Variants in TRAPPC9 observed in about 807,000 individuals in gnomAD.
TRAPPC9 encodes the protein trafficking protein particle complex subunit 9.
In TRAPPC9, 83 loss-of-function variants were observed where a neutral mutation model predicts 124.0. That is an observed-to-expected ratio of 0.67 (90% CI 0.56 to 0.80). The LOEUF is 0.80. Among genes scored for constraint, TRAPPC9 ranks in the 30% least tolerant of loss-of-function variants. The probability of loss-of-function intolerance (pLI) is 0.00; values close to 1 mark genes in which losing one functional copy is unlikely to be tolerated. For synonymous variants in TRAPPC9, 638 were observed against 617.5 expected, an observed-to-expected ratio of 1.03 and a Z score of -0.49; for missense variants, 1,302 against 1,508.3, an observed-to-expected ratio of 0.86 and a Z score of 2.27.
chr8:140,398,436 A>G (rs2069157816), intron 6 of TRAPPC9, among the ~76,000 whole-genome samples: 1 of 152,206 alleles, frequency 6.6e-6, no homozygotes, highest in Non-Finnish European at 1.5e-5. Flanking sequence ...GCTGATAATG[A>G]TATGGACAAT....
At chr8:140,370,828 C>T in intron 8 of TRAPPC9, 136 bp downstream of exon 8, 1 of 952,512 alleles carries the variant, frequency 1.0e-6, no homozygotes, top group Admixed American at 1.9e-5. Flanking sequence ...AGGCACCCAA[C>T]TCCAGGGCAG....
intron 16 of TRAPPC9, among the ~76,000 whole-genome samples, chr8:140,238,720 T>C (rs1033889628): frequency 6.6e-6 from 1 of 152,108 alleles, no homozygotes; most frequent in Admixed American, 6.5e-5. Context: ...AGCTCGAAGA[T>C]GTAGAGAGCT....
intron 17 of TRAPPC9, among the ~76,000 whole-genome samples, chr8:140,064,053 A>G (rs572696415): frequency 4.6e-5 from 7 of 151,854 alleles, no homozygotes; most frequent in Admixed American, 1.3e-4. Context: ...GTAGCCATTT[A>G]TCTAGTGTGG....
intron 15 of TRAPPC9, among the ~76,000 whole-genome samples, chr8:140,272,792 T>C (rs2064997554): frequency 6.6e-6 from 1 of 151,386 alleles, no homozygotes; most frequent in African/African-American, 2.4e-5. Context: ...ACTAACAGAG[T>C]GAAAACTCAT....
At chr8:140,078,725 T>C (rs576391508) in intron 17 of TRAPPC9, among the ~76,000 whole-genome samples, 3 of 152,250 alleles carry the variant, frequency 2.0e-5, no homozygotes, top group African/African-American at 7.2e-5. Context: ...GGATGTCACA[T>C]GCAGGTACAC....
intron 17 of TRAPPC9, among the ~76,000 whole-genome samples, chr8:140,185,672 G>C (rs958394754): frequency 6.6e-6 from 1 of 152,220 alleles, no homozygotes; most frequent in Non-Finnish European, 1.5e-5. Flanking sequence ...TCAGGACCAG[G>C]GGAAGCCTCC....
At chr8:139,958,702 G>A (rs541167295) in intron 19 of TRAPPC9, among the ~76,000 whole-genome samples, 4 of 152,338 alleles carry the variant, frequency 2.6e-5, no homozygotes, top group South Asian at 4.1e-4. Context: ...CTGGGATGGC[G>A]GAGGCACCAC....
intron 7 of TRAPPC9, among the ~76,000 whole-genome samples, chr8:140,376,553 TA>T (rs34319639): frequency 0.017 from 869 of 49,758 alleles, 9 homozygotes; most frequent in African/African-American, 0.055. Context: ...AGACTCCATC[TA>T]AAAAAAAAAA....
chr8:140,064,310 A>G (rs1842791980), intron 17 of TRAPPC9, among the ~76,000 whole-genome samples: 1 of 152,214 alleles, frequency 6.6e-6, no homozygotes, highest in Non-Finnish European at 1.5e-5. Flanking sequence ...TCATCGATGT[A>G]TACCTAGAGT....
chr8:140,207,070 C>A (rs1462193754), intron 17 of TRAPPC9, among the ~76,000 whole-genome samples: 1 of 152,192 alleles, frequency 6.6e-6, no homozygotes, highest in Non-Finnish European at 1.5e-5. Flanking sequence ...AGAAGGCAGG[C>A]AGGAGCCGTG....
At position 140,283,975 on chromosome 8, in the gene TRAPPC9, A is replaced by G; in HGVS notation, c.2028T>C (p.Asp676=). ...CACTGGTTTTTATTCCCGGCAGGTT[A>G]TCCAGCAAACAGTCACTGAACACAC... ...VFGVFSDCLL[D]NLPGIKTSGS... The change falls in exon 14 of 23, where the codon GAT becomes GAC. Residue 676 remains aspartate, a synonymous_variant. Coordinates refer to ENST00000438773, the MANE Select transcript of TRAPPC9 (RefSeq NM_001160372.4). 1.2e-6 allele frequency: 2 copies of G among 1,614,168 alleles called. No individual in the cohort carries two copies. Among genetic ancestry groups the G allele is most frequent in the Non-Finnish European group, 1.7e-6 (2 of 1,180,024 alleles).
At chr8:140,183,007 G>GA (rs2062240663) in intron 17 of TRAPPC9, among the ~76,000 whole-genome samples, 1 of 150,614 alleles carries the variant, frequency 6.6e-6, no homozygotes, top group Admixed American at 6.6e-5. Flanking sequence ...ATTTCTCACA[G>GA]AAAACTCTGC....
chr8:140,170,119 G>A (rs1470323714), intron 17 of TRAPPC9, among the ~76,000 whole-genome samples: 1 of 152,154 alleles, frequency 6.6e-6, no homozygotes, highest in East Asian at 1.9e-4. Flanking sequence ...TTTTATTGCT[G>A]TTTTAACAAA....
At chr8:140,258,601 C>G (rs1370316468) in intron 15 of TRAPPC9, among the ~76,000 whole-genome samples, 2 of 152,238 alleles carry the variant, frequency 1.3e-5, no homozygotes, top group African/African-American at 4.8e-5. Flanking sequence ...CTTTCCCTTC[C>G]AAACCATTTA....
Position 140,308,743 on chromosome 8 carries a change from T to C in TRAPPC9, c.1622+2505A>G, listed in dbSNP as rs189732433. 5.5e-3 allele frequency among the ~76,000 whole-genome samples: 840 copies of C among 152,116 alleles called. 6 individuals are homozygous for C. Among genetic ancestry groups the C allele is most frequent in the Non-Finnish European group, 5.8e-3 (397 of 68,002 alleles). On this transcript the variant is annotated intron_variant, in intron 10 of 22. Coordinates refer to ENST00000438773, the MANE Select transcript of TRAPPC9 (RefSeq NM_001160372.4). ...TAAAAATACAAATATTAGCCGGTCG[T>C]GGTGCCATGCGCCTGTAGTCCCAGC...
chr8:139,895,673 T>C (rs910194042), intron 20 of TRAPPC9, among the ~76,000 whole-genome samples: 4 of 152,230 alleles, frequency 2.6e-5, no homozygotes, highest in African/African-American at 9.6e-5. Context: ...ACAGCTGCAC[T>C]TGAGTGTGGG....
At chr8:140,085,920 C>G (rs943914213) in intron 17 of TRAPPC9, among the ~76,000 whole-genome samples, 1 of 152,200 alleles carries the variant, frequency 6.6e-6, no homozygotes, top group Non-Finnish European at 1.5e-5. Flanking sequence ...ATAGCTTCCC[C>G]CCACCCCACA....
intron 21 of TRAPPC9, among the ~76,000 whole-genome samples, chr8:139,847,454 G>C (rs1474324958): frequency 6.6e-6 from 1 of 152,194 alleles, no homozygotes; most frequent in Non-Finnish European, 1.5e-5. Flanking sequence ...CACACTTGCA[G>C]ACCAATGAGG....
intron 16 of TRAPPC9, among the ~76,000 whole-genome samples, chr8:140,243,908 G>A (rs1421926067): frequency 2.0e-5 from 3 of 152,268 alleles, no homozygotes; most frequent in African/African-American, 7.2e-5. Flanking sequence ...AGCAGGAGGT[G>A]GGTGGCAGCC....
Sources: allele counts gnomAD v4.1 joint callset (sites outside exome capture counted in the v4.1 genomes callset), GRCh38; gene constraint gnomAD v4.1.1; transcripts MANE v1.5; gene names NCBI Gene and HGNC (gene_info 2026-07-23, HGNC 2026-07-21).